The following RTTN variants were observed in gnomAD, a reference collection of about 807,000 sequenced individuals.
The protein encoded by RTTN is rotatin.
A neutral mutation model predicts 269.2 loss-of-function variants in RTTN; 182 were observed. The observed-to-expected ratio is 0.68, with a 90% CI of 0.60 to 0.76. RTTN has a LOEUF of 0.76. Among genes scored for constraint, RTTN ranks in the 30% least tolerant of loss-of-function variants. The pLI is 0.00. For synonymous variants in RTTN, 1,006 were observed against 963.5 expected (o/e 1.04, Z -0.82); for missense variants, 2,545 against 2,608.6 (o/e 0.98, Z 0.53).
intron 11 of RTTN, among the ~76,000 whole-genome samples, chr18:70,173,089 AAC>A (rs2061185837): frequency 6.6e-6 from 1 of 152,238 alleles, no homozygotes; most frequent in African/African-American, 2.4e-5. Flanking sequence ...AATTAAAAGT[AAC>A]ACAAGTGATG....
intron 25 of RTTN, among the ~76,000 whole-genome samples, chr18:70,124,087 A>C (rs2059803732): frequency 6.6e-6 from 1 of 151,836 alleles, no homozygotes; most frequent in Non-Finnish European, 1.5e-5. Flanking sequence ...AAAAAAAAAC[A>C]AATCATTTAA....
chr18:70,030,208 A>C, intron 41 of RTTN, 99 bp from the exon 42 acceptor site: 1 of 755,914 alleles, frequency 1.3e-6, no homozygotes, highest in Middle Eastern at 3.7e-4. Flanking sequence ...AACATTTTCT[A>C]TTTCTGACCC....
At chr18:70,006,288 C>T (rs1282987809) in intron 47 of RTTN, 93 bp downstream of exon 47, 1 of 822,522 alleles carries the variant, frequency 1.2e-6, no homozygotes, top group South Asian at 1.6e-5. Flanking sequence ...TTTGCTGTAA[C>T]TCTTGACACC....
chr18:70,102,610 C>T (rs1042963296), intron 28 of RTTN, among the ~76,000 whole-genome samples: 2 of 152,132 alleles, frequency 1.3e-5, no homozygotes, highest in Admixed American at 6.5e-5. Flanking sequence ...TCAATCCTGT[C>T]ATCATGATGT....
At chr18:70,161,448 CA>C (rs897634692) in intron 14 of RTTN, among the ~76,000 whole-genome samples, 1 of 151,668 alleles carries the variant, frequency 6.6e-6, no homozygotes, top group African/African-American at 2.4e-5. Flanking sequence ...ATGAAGTCTC[CA>C]AAAAAAGCAA....
intron 19 of RTTN, among the ~76,000 whole-genome samples, chr18:70,141,818 A>G (rs2060265119): frequency 6.6e-6 from 1 of 152,194 alleles, no homozygotes; most frequent in Admixed American, 6.5e-5. Context: ...GCTACAGTGT[A>G]CTATTTTTCT....
chr18:70,022,806 G>A (rs2056743523), intron 44 of RTTN, among the ~76,000 whole-genome samples: 1 of 152,136 alleles, frequency 6.6e-6, no homozygotes, highest in Admixed American at 6.6e-5. Flanking sequence ...CTCATTGGCT[G>A]CTCCTTCTCT....
At chr18:70,009,187 G>A (rs1170921267) in intron 46 of RTTN, among the ~76,000 whole-genome samples, 1 of 152,178 alleles carries the variant, frequency 6.6e-6, no homozygotes, top group Non-Finnish European at 1.5e-5. Flanking sequence ...CAGGTTTGGA[G>A]TGCAGTGGTG....
rs534245555 is a variant in RTTN, at chr18:70,071,463, T to C, written c.4653+2443A>G. 2.0e-5 allele frequency among the ~76,000 whole-genome samples: 3 copies of C among 152,300 alleles called. No individual in the cohort carries two copies. In the South Asian group the frequency reaches 6.2e-4, roughly 32 times the overall value. The stretch of plus-strand genomic sequence containing the variant: ...AGACCAAATTTTGGTCATAAAGCTG[T>C]TGCTGCACACAGGTGTGTAAGAGGC... On this transcript the variant is annotated intron_variant, in intron 34 of 48. Transcript: ENST00000640769.
intron 11 of RTTN, among the ~76,000 whole-genome samples, chr18:70,169,390 A>G (rs1362978761): frequency 2.0e-5 from 3 of 152,208 alleles, no homozygotes; most frequent in African/African-American, 7.2e-5. Context: ...CTATTGAACT[A>G]AGGCATGAGG....
rs760132290 is a variant in RTTN, at chr18:70,006,435, A to G, written c.6471T>C (p.Asn2157=). 22 of 1,613,996 alleles carry G rather than the reference A, an allele frequency of 1.4e-5. No individual in the cohort carries two copies. The highest frequency in any genetic ancestry group is 1.9e-5 in the Non-Finnish European group (22 of 1,179,982). The change falls in exon 47 of 49, where the codon AAT becomes AAC. Residue 2157 remains asparagine (N), a synonymous_variant. Transcript: ENST00000640769. ...GGGCAGCTGCTCCAATCCTCTGAGC[A>G]TTTTGATTCTCACTTTCCAGACAGG... is the stretch of plus-strand genomic sequence containing the variant. The part of the protein sequence containing the change: ...LAACLESENQ[N]AQRIGAAALW...
At chr18:70,109,467 T>G in intron 28 of RTTN, 31 bp downstream of exon 28, 2 of 1,571,572 alleles carry the variant, frequency 1.3e-6, no homozygotes, top group Non-Finnish European at 1.8e-6. Flanking sequence ...CAACTAATAG[T>G]AAATAACTAC....
At chr18:70,156,340 C>G (rs540337412) in intron 14 of RTTN, among the ~76,000 whole-genome samples, 4 of 152,258 alleles carry the variant, frequency 2.6e-5, no homozygotes, top group Admixed American at 2.6e-4. Flanking sequence ...TCTCCCATAG[C>G]GCTCCCAGGC....
intron 14 of RTTN, among the ~76,000 whole-genome samples, chr18:70,156,766 G>A (rs148654828): frequency 7.9e-5 from 12 of 152,220 alleles, no homozygotes; most frequent in African/African-American, 1.2e-4. Context: ...AAGAAACTAC[G>A]TGACTATTGG....
chr18:70,128,829 AG>A lies in RTTN; in HGVS notation c.2955-284del, dbSNP rs1234433120. ...GAGATAACTAATGCTCCTTGAAGTC[AG>A]GGACCATGAATACAGTGAACCAAAC... On this transcript the variant is annotated intron_variant, in intron 23 of 48. Coordinates refer to ENST00000640769, the MANE Select transcript of RTTN (RefSeq NM_173630.4). 7 of 275,306 alleles carry A rather than the reference AG, an allele frequency of 2.5e-5. No homozygotes were observed. The East Asian group carries it at 4.5e-4, about 18-fold the overall frequency. The allele number at this position is 275,306 out of a possible 1,614,324, so 17.1% of individuals were successfully genotyped here. A position where few individuals can be genotyped will look rare whatever the true frequency, so the allele number is the denominator to read the frequency against.
At chr18:70,110,767 G>C (rs1034391611) in intron 27 of RTTN, among the ~76,000 whole-genome samples, 12 of 152,234 alleles carry the variant, frequency 7.9e-5, no homozygotes, top group African/African-American at 2.9e-4. Context: ...GTCTGGCTCA[G>C]CAGGTCCCAC....
intron 40 of RTTN, among the ~76,000 whole-genome samples, chr18:70,039,081 T>C (rs2057262020): frequency 2.0e-5 from 3 of 152,062 alleles, no homozygotes; most frequent in Admixed American, 2.0e-4. Context: ...GAAGCATGCC[T>C]ATAAAACCTA....
chr18:70,145,517 C>T, intron 18 of RTTN, 95 bp downstream of exon 18: 1 of 898,512 alleles, frequency 1.1e-6, no homozygotes, highest in Admixed American at 2.8e-5. Context: ...TCTCCCTCCC[C>T]AGGACATACA....
intron 40 of RTTN, among the ~76,000 whole-genome samples, chr18:70,046,620 G>A (rs1023610033): frequency 2.0e-5 from 3 of 152,106 alleles, no homozygotes; most frequent in African/African-American, 7.2e-5. Flanking sequence ...CTGGGACAAC[G>A]TCCAGTTTTT....
Sources: allele counts gnomAD v4.1 joint callset (sites outside exome capture counted in the v4.1 genomes callset), GRCh38; gene constraint gnomAD v4.1.1; transcripts MANE v1.5; gene names NCBI Gene and HGNC (gene_info 2026-07-23, HGNC 2026-07-21).